Variants in SYT12 observed in about 807,000 individuals in gnomAD.
SYT12 encodes the protein synaptotagmin-12.
A neutral mutation model predicts 39.5 loss-of-function variants in SYT12; 27 were observed. The ratio of observed to expected loss-of-function variants is 0.68; its 90% CI spans 0.50 to 0.94. The LOEUF (loss-of-function observed/expected upper bound fraction) is 0.94. SYT12 is among the 40% of genes least tolerant of loss of function. The pLI is 0.00. For missense variants in SYT12, 536 were observed against 572.6 expected (o/e 0.94, Z 0.65); for synonymous variants, 233 against 239.7 (o/e 0.97, Z 0.26).
At chr11:67,012,583 G>A (rs77403559) in intron 3 of SYT12, among the ~76,000 whole-genome samples, 6,887 of 152,200 alleles carry the variant, frequency 0.045, 200 homozygotes, top group Non-Finnish European at 0.068. Context: ...CCTCAGACCA[G>A]CATCCTTCTT....
At chr11:67,024,699 G>C (rs993926192) in intron 1 of SYT12, among the ~76,000 whole-genome samples, 15 of 152,220 alleles carry the variant, frequency 9.9e-5, no homozygotes, top group East Asian at 1.9e-4. Flanking sequence ...TCTGTGGGCT[G>C]TTTGGGGGAT....
chr11:67,047,265 C>T (rs1640888041), intron 7 of SYT12, among the ~76,000 whole-genome samples: 1 of 148,384 alleles, frequency 6.7e-6, no homozygotes, highest in Admixed American at 6.8e-5. Context: ...GTGCCCACCC[C>T]CAATTTTTTT....
At position 67,015,259 on chromosome 11, in the gene SYT12, G is replaced by A. The variant is rs148683219; in HGVS notation, c.-69+4265G>A. 5.2e-3 allele frequency among the ~76,000 whole-genome samples: 793 copies of A among 152,312 alleles called. 4 individuals are homozygous for A. The highest frequency in any genetic ancestry group is 5.7e-3 in the Non-Finnish European group (390 of 68,028). On this transcript the variant is annotated intron_variant, in intron 3 of 10. Transcript: ENST00000393946. Reference sequence around the variant, plus strand: ...ACCAGTAGTCCCTGGGCAGGGGGTCGCAACAGGAGGGCAGGGCGGCCAAGG... The same window carrying A: ...ACCAGTAGTCCCTGGGCAGGGGGTCACAACAGGAGGGCAGGGCGGCCAAGG...
chr11:67,013,199 T>C (rs574032972), intron 3 of SYT12, among the ~76,000 whole-genome samples: 1 of 152,300 alleles, frequency 6.6e-6, no homozygotes, highest in South Asian at 2.1e-4. Flanking sequence ...ACCCATAACA[T>C]AACTTAGTTG....
upstream of SYT12, among the ~76,000 whole-genome samples, chr11:67,020,228 C>T (rs1316428623): frequency 6.6e-6 from 1 of 152,066 alleles, no homozygotes; most frequent in Non-Finnish European, 1.5e-5. Flanking sequence ...GGAAAACACT[C>T]CAAGCAAAGG....
chr11:67,034,204 C>T lies in SYT12; in HGVS notation c.35-441C>T, dbSNP rs536001315. On this transcript the variant is annotated intron_variant, in intron 2 of 7. Transcript: ENST00000527043. ...AACCCTATTTCTCCCAACTTTCCAG[C>T]CCCTGACAGTCACTAATCTACTGTA... Among the ~76,000 whole-genome samples, 67 of 152,318 alleles carry T rather than the reference C, an allele frequency of 4.4e-4. 1 individual carries two copies. In the South Asian group the frequency reaches 0.013, roughly 31 times the overall value.
At chr11:67,046,483 G>A (rs1348315785) in intron 7 of SYT12, among the ~76,000 whole-genome samples, 2 of 152,168 alleles carry the variant, frequency 1.3e-5, no homozygotes, top group Admixed American at 1.3e-4. Flanking sequence ...TTTGTGCCTT[G>A]AGCCAAAACC....
At chr11:67,047,115 C>T (rs906687391) in intron 7 of SYT12, among the ~76,000 whole-genome samples, 2 of 151,976 alleles carry the variant, frequency 1.3e-5, no homozygotes, top group Non-Finnish European at 2.9e-5. Flanking sequence ...CAGGCACCTG[C>T]CACCACACCT....
intron 3 of SYT12, among the ~76,000 whole-genome samples, chr11:67,016,554 A>G (rs1259485623): frequency 1.3e-5 from 2 of 152,206 alleles, no homozygotes; most frequent in African/African-American, 4.8e-5. Flanking sequence ...ATATGCTAAA[A>G]CAGAGCCTGA....
At chr11:67,048,459 G>A (rs921932940) in intron 7 of SYT12, 125 bp from the exon 8 acceptor site, 1 of 994,328 alleles carries the variant, frequency 1.0e-6, no homozygotes, top group East Asian at 2.6e-5. Context: ...TAGATCAGAG[G>A]TGAGGATTCA....
chr11:67,031,520 T>G (rs1275133367), intron 2 of SYT12: 1 of 152,250 alleles, frequency 6.6e-6, no homozygotes, highest in Non-Finnish European at 1.5e-5. Context: ...CGTGACGTGC[T>G]TAGAACAGGG....
intron 3 of SYT12, among the ~76,000 whole-genome samples, chr11:67,039,061 T>C (rs1406150748): frequency 6.6e-6 from 1 of 151,866 alleles, no homozygotes; most frequent in Non-Finnish European, 1.5e-5. Flanking sequence ...CCCAGCACTT[T>C]GGGAGGCCGA....
chr11:67,016,240 C>T (rs892647446), intron 3 of SYT12, among the ~76,000 whole-genome samples: 5 of 152,062 alleles, frequency 3.3e-5, no homozygotes, highest in African/African-American at 4.8e-5. Context: ...GAGATCGCAC[C>T]GCTGCACTCC....
rs1325366735 is a variant in SYT12 at position 67,050,237 on chromosome 11, G to T, written c.*1480G>T. 2.0e-5 allele frequency: 3 copies of T among 152,422 alleles called. No individual in the cohort carries two copies. In the South Asian group the frequency reaches 6.2e-4, roughly 32 times the overall value. The allele number at this position is 152,422 out of a possible 1,614,324, so 9.4% of individuals were successfully genotyped here. ...GGCAGAGCTTGTCATCCCCAGCCTG[G>T]TGTCCCGCAGTCCCAGGAAGCCGCT... On this transcript the variant is annotated 3_prime_UTR_variant, in exon 8 of 8. Transcript: ENST00000527043.
chr11:67,045,444 C>G (rs1950599095), intron 6 of SYT12, among the ~76,000 whole-genome samples: 1 of 152,120 alleles, frequency 6.6e-6, no homozygotes, highest in Admixed American at 6.5e-5. Flanking sequence ...TGCACTCGGG[C>G]CATTTATAGA....
At chr11:67,008,639 C>T (rs545881910) in intron 1 of SYT12, among the ~76,000 whole-genome samples, 5 of 152,270 alleles carry the variant, frequency 3.3e-5, no homozygotes, top group South Asian at 2.1e-4. Context: ...CAACCTCCAC[C>T]GCCTGGGTTC....
At position 67,045,894 on chromosome 11, in the gene SYT12, G is replaced by C; in HGVS notation, c.1092+17G>C. On this transcript the variant is annotated intron_variant, in intron 7 of 7. Transcript: ENST00000527043. ...GTGCTCCAGGTGAGGGGGGCTGGGG[G>C]ATGGGAAGGGGCCAGGTCACCCCAG... 3 of 1,613,852 alleles carry C rather than the reference G, an allele frequency of 1.9e-6. No individual in the cohort carries two copies. Among genetic ancestry groups the C allele is most frequent in the African/African-American group, 2.7e-5 (2 of 75,024 alleles).
At chr11:67,042,091 A>G (rs1035743569) in intron 4 of SYT12, among the ~76,000 whole-genome samples, 1 of 152,200 alleles carries the variant, frequency 6.6e-6, no homozygotes, top group Non-Finnish European at 1.5e-5. Context: ...GATTAGGAGC[A>G]GGACCCTGGA....
At chr11:67,040,658 T>G (rs1950495732) in intron 4 of SYT12, among the ~76,000 whole-genome samples, 1 of 148,958 alleles carries the variant, frequency 6.7e-6, no homozygotes, top group Non-Finnish European at 1.5e-5. Flanking sequence ...CCTAACACGG[T>G]GAAACCCCAT....
Sources: allele counts gnomAD v4.1 joint callset (sites outside exome capture counted in the v4.1 genomes callset), GRCh38; gene constraint gnomAD v4.1.1; transcripts MANE v1.5; gene names NCBI Gene and HGNC (gene_info 2026-07-23, HGNC 2026-07-21).